FNDC3B: variants seen among roughly 807,000 people sequenced by gnomAD.
The protein encoded by FNDC3B is fibronectin type III domain-containing protein 3B.
In FNDC3B, 12 loss-of-function variants were observed where a neutral mutation model predicts 151.5. That is an observed-to-expected ratio of 0.08 (90% CI 0.05 to 0.13). The LOEUF (loss-of-function observed/expected upper bound fraction) is 0.13, where lower values mean the gene tolerates loss of function less well. Ranked by LOEUF, FNDC3B falls within the 10% of genes least tolerant of loss-of-function variation. The pLI is 1.00. For missense variants in FNDC3B, 1,214 were observed against 1,505.3 expected (o/e 0.81, Z 3.20); for synonymous variants, 528 against 549.0 (o/e 0.96, Z 0.54).
At chr3:172,213,292 T>C (rs967191747) in intron 3 of FNDC3B, among the ~76,000 whole-genome samples, 1 of 152,306 alleles carries the variant, frequency 6.6e-6, no homozygotes, top group Non-Finnish European at 1.5e-5. Context: ...CCTAGACAAG[T>C]ATGAGGCCAA....
intron 3 of FNDC3B, among the ~76,000 whole-genome samples, chr3:172,147,413 A>C (rs1020027842): frequency 6.6e-6 from 1 of 151,864 alleles, no homozygotes; most frequent in Admixed American, 6.6e-5. Context: ...TGCCTTTATG[A>C]AATGATTGGA....
At chr3:172,276,373 G>C (rs918088301) in intron 6 of FNDC3B, among the ~76,000 whole-genome samples, 28 of 152,190 alleles carry the variant, frequency 1.8e-4, no homozygotes, top group African/African-American at 6.5e-4. Context: ...AAAAAATAAT[G>C]ATGGTGGTGG....
chr3:172,082,504 A>T (rs952760683), intron 1 of FNDC3B, among the ~76,000 whole-genome samples: 1 of 150,812 alleles, frequency 6.6e-6, no homozygotes. Context: ...TCATGGGATT[A>T]TAGGGCCGGG....
intron 1 of FNDC3B, among the ~76,000 whole-genome samples, chr3:172,105,293 T>A (rs1330238775): frequency 6.6e-6 from 1 of 152,196 alleles, no homozygotes; most frequent in Non-Finnish European, 1.5e-5. Flanking sequence ...GATGTTTATT[T>A]TTTTAACTGC....
chr3:172,243,477 C>T (rs1183577717), intron 4 of FNDC3B, among the ~76,000 whole-genome samples: 1 of 147,338 alleles, frequency 6.8e-6, no homozygotes, highest in African/African-American at 2.6e-5. Flanking sequence ...TGGATGGCAG[C>T]AGGCAAAAAA....
At chr3:172,231,209 G>C (rs1362812166) in intron 4 of FNDC3B, among the ~76,000 whole-genome samples, 1 of 152,172 alleles carries the variant, frequency 6.6e-6, no homozygotes, top group Non-Finnish European at 1.5e-5. Flanking sequence ...AGATATAAAA[G>C]CCACATATTG....
At chr3:172,218,458 A>G (rs933349797) in intron 3 of FNDC3B, among the ~76,000 whole-genome samples, 9 of 152,194 alleles carry the variant, frequency 5.9e-5, no homozygotes, top group South Asian at 2.1e-4. Flanking sequence ...TGTGAAGAGT[A>G]AAAAAACTCA....
chr3:172,047,866 G>C lies in FNDC3B; in HGVS notation c.-29+8095G>C, dbSNP rs192401506. Among the ~76,000 whole-genome samples the C allele has an allele frequency of 1.8e-3, 280 of 152,274 alleles. 2 individuals are homozygous for C. Among genetic ancestry groups the C allele is most frequent in the African/African-American group, 6.3e-3 (260 of 41,556 alleles). ...TGTTAACTTCTTTTGTCATGTGTAA[G>C]CATTTGATGGCAGATTGGGGACAGC... is the stretch of plus-strand genomic sequence containing the variant. On this transcript the variant is annotated intron_variant, in intron 1 of 25. Coordinates refer to ENST00000415807, the MANE Select transcript of FNDC3B (RefSeq NM_022763.4).
chr3:172,192,259 G>A lies in FNDC3B; in HGVS notation c.188-34612G>A, dbSNP rs185422800. Among the ~76,000 whole-genome samples, 556 of 147,408 alleles carry A rather than the reference G, an allele frequency of 3.8e-3. 2 individuals carry two copies. Among genetic ancestry groups the A allele is most frequent in the African/African-American group, 0.013 (505 of 39,816 alleles). On this transcript the variant is annotated intron_variant, in intron 3 of 25. Transcript: ENST00000415807. ...GTGATCTTGGCTCACTGCAACCTCC[G>A]CCTCCCTGGTACAAGCGATTCTCCT...
chr3:172,373,106 G>A (rs1187605583), intron 23 of FNDC3B, among the ~76,000 whole-genome samples: 1 of 152,158 alleles, frequency 6.6e-6, no homozygotes, highest in African/African-American at 2.4e-5. Context: ...GGTTAAGCAG[G>A]TGTGACTCCT....
intron 12 of FNDC3B, 132 bp from the exon 13 acceptor site, chr3:172,330,409 C>T (rs1311710967): frequency 3.0e-6 from 2 of 676,956 alleles, no homozygotes; most frequent in Non-Finnish European, 4.9e-6. Flanking sequence ...TCACACACAG[C>T]ATCCTTACCT....
intron 22 of FNDC3B, among the ~76,000 whole-genome samples, chr3:172,357,226 G>T (rs1413449985): frequency 1.3e-5 from 2 of 152,128 alleles, no homozygotes; most frequent in African/African-American, 4.8e-5. Flanking sequence ...AACATGAAGA[G>T]ATTTTTCACA....
chr3:172,085,577 G>A (rs1718510726), intron 1 of FNDC3B, among the ~76,000 whole-genome samples: 1 of 152,142 alleles, frequency 6.6e-6, no homozygotes, highest in African/African-American at 2.4e-5. Flanking sequence ...AGGAAATAAA[G>A]GAAAGGTCAA....
At chr3:172,161,352 C>T (rs2108617935) in intron 3 of FNDC3B, among the ~76,000 whole-genome samples, 1 of 152,298 alleles carries the variant, frequency 6.6e-6, no homozygotes, top group Middle Eastern at 3.4e-3. Context: ...ATTTTCCTCT[C>T]ATGGAGAGTC....
intron 22 of FNDC3B, among the ~76,000 whole-genome samples, chr3:172,354,976 A>G (rs1734022831): frequency 6.6e-6 from 1 of 151,204 alleles, no homozygotes; most frequent in African/African-American, 2.4e-5. Flanking sequence ...TAGTAAATGT[A>G]CTAATGCAAA....
chr3:172,059,199 T>C (rs1439364037), intron 1 of FNDC3B, among the ~76,000 whole-genome samples: 2 of 152,354 alleles, frequency 1.3e-5, no homozygotes, highest in South Asian at 2.1e-4. Flanking sequence ...ATTTTGATGA[T>C]AGCACGTAAC....
At position 172,400,968 on chromosome 3, in the gene FNDC3B, G is replaced by C. The variant is rs1331174040; in HGVS notation, c.*3493G>C. The C allele has an allele frequency of 6.9e-6, 1 of 145,556 alleles. No individual in the cohort carries two copies. Among genetic ancestry groups the C allele is most frequent in the Non-Finnish European group, 1.5e-5 (1 of 66,926 alleles). The allele number at this position is 145,556 out of a possible 1,614,324, so 9.0% of individuals were successfully genotyped here. On this transcript the variant is annotated 3_prime_UTR_variant, in exon 26 of 26. Coordinates refer to ENST00000415807, the MANE Select transcript of FNDC3B (RefSeq NM_022763.4). ...GTTGGAGTCTTGCTCTGTCGCCCAG[G>C]CTGGAGTGCAGTGACCCAATCTCGG...
At chr3:172,130,256 T>C (rs1721004243) in intron 2 of FNDC3B, among the ~76,000 whole-genome samples, 1 of 152,212 alleles carries the variant, frequency 6.6e-6, no homozygotes, top group South Asian at 2.1e-4. Flanking sequence ...TCTTTTAAAA[T>C]ACCTCAGTGC....
chr3:172,181,395 C>CAAAAAAAAAA (rs755223783), intron 3 of FNDC3B, among the ~76,000 whole-genome samples: 19 of 71,510 alleles, frequency 2.7e-4, no homozygotes, highest in African/African-American at 6.9e-4. Context: ...ACTCTGTCTC[C>CAAAAAAAAAA]AAAAAAAAAA....
Sources: gnomAD v4.1 joint callset for allele counts (sites outside exome capture counted in the v4.1 genomes callset) on GRCh38, gnomAD v4.1.1 for gene constraint, MANE v1.5 for transcripts, NCBI Gene and HGNC (gene_info 2026-07-23, HGNC 2026-07-21) for gene names.